Variants in TEX101 observed in about 807,000 individuals in gnomAD.
TEX101 encodes testis-expressed protein 101.
TEX101 carries 10 observed loss-of-function variants against 18.1 expected under a neutral mutation model. That is an observed-to-expected ratio of 0.55 (90% CI 0.34 to 0.94). The LOEUF (loss-of-function observed/expected upper bound fraction) is 0.94. Ranked by LOEUF, TEX101 falls within the 40% of genes least tolerant of loss-of-function variation. The pLI is 0.02. For missense variants in TEX101, 259 were observed against 298.9 expected (o/e 0.87, Z 0.98); for synonymous variants, 94 against 114.8 (o/e 0.82, Z 1.16).
the TEX101 span, among the ~76,000 whole-genome samples, chr19:43,393,100 G>GAA: frequency 6.6e-6 from 1 of 150,584 alleles, no homozygotes; most frequent in Non-Finnish European, 1.5e-5. Flanking sequence ...AGGAAGGAAG[G>GAA]AAGGAAAGAA....
intron 4 of TEX101, among the ~76,000 whole-genome samples, chr19:43,417,094 A>G (rs566363479): frequency 9.2e-4 from 139 of 151,400 alleles, no homozygotes; most frequent in Non-Finnish European, 1.6e-3. Context: ...TGGTATTATC[A>G]GTCTAACAAG....
chr19:43,392,370 C>A, the TEX101 span, among the ~76,000 whole-genome samples: 2 of 151,806 alleles, frequency 1.3e-5, no homozygotes, highest in Admixed American at 6.6e-5. Flanking sequence ...GTGTTATAAT[C>A]CAGAAAAGAG....
chr19:43,414,655 C>G (rs908933467), upstream of TEX101, among the ~76,000 whole-genome samples: 37 of 152,202 alleles, frequency 2.4e-4, no homozygotes, highest in African/African-American at 8.9e-4. Context: ...CAACGCACTG[C>G]CCACCCTCCA....
At chr19:43,409,108 C>A (rs1970396738) in intron 3 of TEX101, among the ~76,000 whole-genome samples, 1 of 152,132 alleles carries the variant, frequency 6.6e-6, no homozygotes, top group Non-Finnish European at 1.5e-5. Context: ...AATCAGGTAG[C>A]CCCCAGACCC....
At chr19:43,394,472 C>CA in the TEX101 span, among the ~76,000 whole-genome samples, 5 of 140,286 alleles carry the variant, frequency 3.6e-5, no homozygotes, top group African/African-American at 5.2e-5. Flanking sequence ...GCCTGACTTA[C>CA]TTTTTTTTTT....
chr19:43,405,549 C>CA (rs1163062557), intron 2 of TEX101, among the ~76,000 whole-genome samples: 2,669 of 38,504 alleles, frequency 0.069, 227 homozygotes, highest in Middle Eastern at 0.12. Flanking sequence ...AACTCTGTCT[C>CA]AAAAAAAAAA....
chr19:43,389,922 T>G, the TEX101 span, among the ~76,000 whole-genome samples: 1 of 152,186 alleles, frequency 6.6e-6, no homozygotes, highest in African/African-American at 2.4e-5. Context: ...CGGGTCTCCC[T>G]GTCTCCACTG....
intron 3 of TEX101, among the ~76,000 whole-genome samples, chr19:43,407,705 C>G (rs1388528811): frequency 1.3e-5 from 2 of 152,182 alleles, no homozygotes; most frequent in Non-Finnish European, 2.9e-5. Context: ...CTAAAGGCCT[C>G]CAAGTCAGAA....
At chr19:43,391,323 G>A in the TEX101 span, among the ~76,000 whole-genome samples, 4 of 151,520 alleles carry the variant, frequency 2.6e-5, no homozygotes, top group Non-Finnish European at 4.4e-5. Flanking sequence ...AACGACCACA[G>A]TGGTTGTGCC....
chr19:43,398,538 GC>G (rs1418343540), upstream of TEX101, among the ~76,000 whole-genome samples: 1 of 152,010 alleles, frequency 6.6e-6, no homozygotes, highest in Non-Finnish European at 1.5e-5. Flanking sequence ...GGGATTATAG[GC>G]GTGAGCCATC....
chr19:43,406,746 C>CA (rs932531707), intron 3 of TEX101, among the ~76,000 whole-genome samples: 6 of 152,036 alleles, frequency 3.9e-5, no homozygotes, highest in African/African-American at 1.4e-4. Flanking sequence ...GGCAGGAGGG[C>CA]AAAAGCTCCT....
upstream of TEX101, among the ~76,000 whole-genome samples, chr19:43,397,808 T>C (rs1378422536): frequency 2.2e-5 from 2 of 90,502 alleles, no homozygotes; most frequent in African/African-American, 6.8e-5. Context: ...TTATATTATA[T>C]AAATATAAAT....
In TEX101 at chr19:43,405,325, T is replaced by C. The variant is rs149230292; in HGVS notation, c.-282-898T>C. On this transcript the variant is annotated intron_variant, in intron 2 of 7. Coordinates refer to the TEX101 transcript ENST00000602198. ...GGCTCACACCTGTAATCCCAGCACT[T>C]TGGGGGGCCGAGGTGGGTGGATCAC... is the stretch of plus-strand genomic sequence containing the variant. Among the ~76,000 whole-genome samples, 252 of 152,132 alleles carry C rather than the reference T, an allele frequency of 1.7e-3. 2 individuals carry two copies. Among genetic ancestry groups the C allele is most frequent in the African/African-American group, 5.8e-3 (241 of 41,528 alleles).
chr19:43,406,233 G>T, exon 3 of TEX101: 1 of 480,294 alleles, frequency 2.1e-6, no homozygotes, highest in East Asian at 3.9e-5. Context: ...GGCACTGAAT[G>T]TCAAAGTGAA....
chr19:43,415,033 T>C lies in TEX101; in HGVS notation c.-45T>C, dbSNP rs1970457903. ...AGGCTAGGGACTCAGATTCCTGGATTCTGAGGAAAGAGAAGGCTGGGGACC... is the reference window on the plus strand; with the variant it reads ...AGGCTAGGGACTCAGATTCCTGGATCCTGAGGAAAGAGAAGGCTGGGGACC... On this transcript the variant is annotated 5_prime_UTR_variant, in exon 1 of 6. Coordinates refer to ENST00000598265, the MANE Select transcript of TEX101 (RefSeq NM_001130011.3). 6 of 985,336 alleles carry C rather than the reference T, an allele frequency of 6.1e-6. No homozygotes were observed. Among genetic ancestry groups the C allele is most frequent in the Non-Finnish European group, 6.0e-6 (5 of 829,916 alleles). 61.0% of individuals were successfully genotyped at this position (985,336 alleles called of 1,614,324 possible).
chr19:43,406,520 G>T lies in TEX101; in HGVS notation c.15+1G>T. 1 of 729,928 alleles carries T rather than the reference G, an allele frequency of 1.4e-6. No individual in the cohort carries two copies. Among genetic ancestry groups the T allele is most frequent in the East Asian group, 2.6e-5 (1 of 37,986 alleles). 45.2% of individuals were successfully genotyped at this position (729,928 alleles called of 1,614,324 possible). A position where few individuals can be genotyped will look rare whatever the true frequency, so the allele number is the denominator to read the frequency against. ...CAGTTCCCGCATGGGGGCGAGGCAG[G>T]TACATGGGCCTTGCGGGCTGTGGGT... On this transcript the variant is annotated splice_donor_variant, in intron 3 of 7. Coordinates refer to the TEX101 transcript ENST00000602198. LOFTEE classifies it high-confidence loss of function.
chr19:43,396,456 T>G, the TEX101 span, among the ~76,000 whole-genome samples: 1 of 152,244 alleles, frequency 6.6e-6, no homozygotes, highest in Non-Finnish European at 1.5e-5. Context: ...AATATGATAT[T>G]TCCAATTCTT....
At chr19:43,406,071 CCT>C (rs200786642) in intron 2 of TEX101, among the ~76,000 whole-genome samples, 2,461 of 73,204 alleles carry the variant, frequency 0.034, 102 homozygotes, top group African/African-American at 0.1. Context: ...ATAAGGAGAC[CCT>C]GTCTCTACAA....
the TEX101 span, among the ~76,000 whole-genome samples, chr19:43,393,950 C>T: frequency 6.6e-6 from 1 of 151,934 alleles, no homozygotes; most frequent in East Asian, 1.9e-4. Flanking sequence ...GTAAACTTTC[C>T]CTTTTCTGGC....
Sources: gnomAD v4.1 joint callset for allele counts (sites outside exome capture counted in the v4.1 genomes callset) on GRCh38, gnomAD v4.1.1 for gene constraint, MANE v1.5 for transcripts, NCBI Gene and HGNC (gene_info 2026-07-23, HGNC 2026-07-21) for gene names.